Variants in FAT3 observed in about 807,000 individuals in gnomAD.
The protein encoded by FAT3 is FAT atypical cadherin 3.
Under a neutral mutation model 310.2 loss-of-function variants are expected in FAT3, and 95 were observed. The observed-to-expected ratio is 0.31, with a 90% confidence interval of 0.26 to 0.36. FAT3 has a LOEUF of 0.36. Among genes scored for constraint, FAT3 ranks in the 10% least tolerant of loss-of-function variants. The probability of loss-of-function intolerance (pLI) is 1.00; values close to 1 mark genes in which losing one functional copy is unlikely to be tolerated. For synonymous variants in FAT3, 2,314 were observed against 2,192.9 expected (o/e 1.06, Z -1.54); for missense variants, 5,408 against 5,715.6 (o/e 0.95, Z 1.74).
chr11:92,628,627 T>C (rs1037419348), intron 3 of FAT3, among the ~76,000 whole-genome samples: 1 of 152,234 alleles, frequency 6.6e-6, no homozygotes, highest in African/African-American at 2.4e-5. Context: ...TGTACCTATG[T>C]CTATTATCTG....
intron 6 of FAT3, among the ~76,000 whole-genome samples, chr11:92,769,202 A>G (rs980758768): frequency 6.6e-6 from 1 of 152,202 alleles, no homozygotes; most frequent in African/African-American, 2.4e-5. Context: ...TTATGCAGTG[A>G]GACTTTTCAG....
At chr11:92,239,186 C>T (rs1168536909) in intron 1 of FAT3, among the ~76,000 whole-genome samples, 7 of 152,182 alleles carry the variant, frequency 4.6e-5, no homozygotes, top group African/African-American at 1.4e-4. Flanking sequence ...ACTCTACAAC[C>T]TGTGCTCTTT....
intron 2 of FAT3, among the ~76,000 whole-genome samples, chr11:92,516,780 C>T (rs1953500865): frequency 1.3e-5 from 2 of 152,190 alleles, no homozygotes; most frequent in East Asian, 3.8e-4. Context: ...TGATAAGCAA[C>T]TTCAGCAAAG....
At chr11:92,247,326 CT>C (rs34159674) in intron 1 of FAT3, among the ~76,000 whole-genome samples, 625 of 143,616 alleles carry the variant, frequency 4.4e-3, no homozygotes, top group Admixed American at 5.0e-3. Context: ...GAAACCATGT[CT>C]TTTTTTTTTT....
intron 7 of FAT3, among the ~76,000 whole-genome samples, chr11:92,778,908 ACT>A (rs1217513852): frequency 6.6e-6 from 1 of 152,038 alleles, no homozygotes; most frequent in African/African-American, 2.4e-5. Flanking sequence ...CAGGAGATTC[ACT>A]CTCTTTGAGA....
chr11:92,767,897 C>T (rs1369786563), intron 6 of FAT3, among the ~76,000 whole-genome samples: 1 of 152,100 alleles, frequency 6.6e-6, no homozygotes, highest in Non-Finnish European at 1.5e-5. Context: ...CTACTGATGC[C>T]TCCTGGAACC....
At position 92,844,258 on chromosome 11, in the gene FAT3, A is replaced by T. The variant is rs1288711574; in HGVS notation, c.10891A>T (p.Ile3631Phe). Reference protein sequence around the residue: ...SVSDGRFQVPIDVVVHVEQLV... With the variant: ...SVSDGRFQVPFDVVVHVEQLV... ...GAGTGATGGTCGCTTCCAGGTACCC[A>T]TTGATGTGGTCGTGCATGTGGAGCA... The change falls in exon 19 of 28, where the codon ATT becomes TTT. Residue 3631 changes from isoleucine to phenylalanine, a missense_variant. Around this residue, in one of 5 missense-constraint regions of FAT3, gnomAD observed 4,588 missense variants for 4,809.8 expected, o/e 0.95. Coordinates refer to ENST00000525166, the MANE Select transcript of FAT3 (RefSeq NM_001367949.2). The T allele has an allele frequency of 1.2e-6, 2 of 1,614,008 alleles. No homozygotes were observed. The highest frequency in any genetic ancestry group is 2.2e-5 in the South Asian group (2 of 91,082).
intron 1 of FAT3, among the ~76,000 whole-genome samples, chr11:92,236,172 G>A (rs1278883008): frequency 6.6e-6 from 1 of 152,200 alleles, no homozygotes; most frequent in Non-Finnish European, 1.5e-5. Context: ...AAGGGATTGA[G>A]TCTTTCCAGT....
chr11:92,410,312 G>A (rs562122370), intron 2 of FAT3, among the ~76,000 whole-genome samples: 1 of 152,228 alleles, frequency 6.6e-6, no homozygotes, highest in South Asian at 2.1e-4. Flanking sequence ...ATGTGTCTGT[G>A]TGTATGTGTG....
At position 92,892,131 on chromosome 11, in the gene FAT3, G is replaced by T. The variant is rs1469227809; in HGVS notation, c.*1018G>T. 1 of 152,166 alleles carries T rather than the reference G, an allele frequency of 6.6e-6. No homozygotes were observed. The highest frequency in any genetic ancestry group is 1.9e-4 in the East Asian group (1 of 5,200). The allele number at this position is 152,166 out of a possible 1,614,324, so 9.4% of individuals were successfully genotyped here. ...GCATCACCATTATAAATACAATTAT[G>T]TTAAGAAAAGAGGAAAGTAGACTAG... On this transcript the variant is annotated 3_prime_UTR_variant, in exon 28 of 28. Coordinates refer to ENST00000525166, the MANE Select transcript of FAT3 (RefSeq NM_001367949.2).
chr11:92,547,281 T>C (rs1954647328), intron 3 of FAT3, among the ~76,000 whole-genome samples: 1 of 152,188 alleles, frequency 6.6e-6, no homozygotes, highest in Non-Finnish European at 1.5e-5. Flanking sequence ...TATTGCATTC[T>C]TCAAGAGACT....
At chr11:92,695,430 C>T (rs1943910011) in intron 3 of FAT3, among the ~76,000 whole-genome samples, 1 of 152,092 alleles carries the variant, frequency 6.6e-6, no homozygotes, top group African/African-American at 2.4e-5. Flanking sequence ...TCCTTAATCT[C>T]AGACAGTAGC....
intron 7 of FAT3, among the ~76,000 whole-genome samples, chr11:92,785,681 A>G (rs146019130): frequency 3.3e-4 from 51 of 152,322 alleles, no homozygotes; most frequent in Non-Finnish European, 6.9e-4. Flanking sequence ...AAATGTTCCC[A>G]GAAAAGTAAA....
At chr11:92,453,863 G>A (rs1167065923) in intron 2 of FAT3, among the ~76,000 whole-genome samples, 2 of 152,032 alleles carry the variant, frequency 1.3e-5, no homozygotes, top group Admixed American at 1.3e-4. Context: ...CTAAATCAGT[G>A]CTATCTAATA....
Position 92,278,614 on chromosome 11 carries a change from A to G in FAT3, c.-18+53440A>G, listed in dbSNP as rs116244285. ...ATTTTTATGAAGTTTATGTGTCTAC[A>G]TATATATATACACACACGTAATTTT... On this transcript the variant is annotated intron_variant, in intron 1 of 27. Coordinates refer to ENST00000525166, the MANE Select transcript of FAT3 (RefSeq NM_001367949.2). Among the ~76,000 whole-genome samples the G allele has an allele frequency of 7.8e-3, 1,190 of 152,110 alleles. 15 individuals carry two copies. The highest frequency in any genetic ancestry group is 0.028 in the African/African-American group (1,146 of 41,512).
intron 1 of FAT3, among the ~76,000 whole-genome samples, chr11:92,344,647 G>A (rs909998142): frequency 2.0e-5 from 3 of 152,236 alleles, no homozygotes; most frequent in Non-Finnish European, 4.4e-5. Flanking sequence ...TATCCATGAA[G>A]TTGTGAAGAA....
At chr11:92,818,078 A>G (rs750791807) in intron 13 of FAT3, among the ~76,000 whole-genome samples, 8 of 152,170 alleles carry the variant, frequency 5.3e-5, no homozygotes, top group Non-Finnish European at 1.2e-4. Flanking sequence ...GCTTGTCTAT[A>G]CCTGCAGCCC....
intron 3 of FAT3, among the ~76,000 whole-genome samples, chr11:92,637,336 A>G (rs111907603): frequency 9.9e-5 from 15 of 152,278 alleles, no homozygotes; most frequent in African/African-American, 3.4e-4. Context: ...TTGTCCTGTT[A>G]TCTTAGAAGA....
In FAT3 at chr11:92,828,506, T is replaced by C. The variant is rs550832826; in HGVS notation, c.9482-3116T>C. Among the ~76,000 whole-genome samples, 77 of 152,262 alleles carry C rather than the reference T, an allele frequency of 5.1e-4. No individual in the cohort carries two copies. The South Asian group carries it at 0.015, about 30-fold the overall frequency. On this transcript the variant is annotated intron_variant, in intron 13 of 27. Coordinates refer to ENST00000525166, the MANE Select transcript of FAT3 (RefSeq NM_001367949.2). Reference sequence around the variant, plus strand: ...TGGTTATGCTTCCTTATCAGTCTGATTGGTAACAGAAAGAAGAGAGGAACA... The same window carrying C: ...TGGTTATGCTTCCTTATCAGTCTGACTGGTAACAGAAAGAAGAGAGGAACA...
Sources: gnomAD v4.1 joint callset for allele counts (sites outside exome capture counted in the v4.1 genomes callset) on GRCh38, gnomAD v4.1.1 for gene constraint, gnomAD v4.1.1 regional missense constraint, MANE v1.5 for transcripts, NCBI Gene and HGNC (gene_info 2026-07-23, HGNC 2026-07-21) for gene names.